The following OR9Q1 variants were observed in gnomAD, a reference collection of about 807,000 sequenced individuals.
The protein encoded by OR9Q1 is olfactory receptor 9Q1.
For missense variants in OR9Q1, 374 were observed against 378.8 expected, an observed-to-expected ratio of 0.99 and a Z score of 0.11; for synonymous variants, 153 against 148.6, an observed-to-expected ratio of 1.03 and a Z score of -0.22.
intron 2 of OR9Q1, among the ~76,000 whole-genome samples, chr11:58,154,155 G>C (rs1854382167): frequency 6.8e-6 from 1 of 146,978 alleles, no homozygotes; most frequent in South Asian, 2.2e-4. Flanking sequence ...AGGAGGAAGA[G>C]GAGAAGGAGG....
chr11:58,046,293 A>T (rs1393138326), intron 1 of OR9Q1, among the ~76,000 whole-genome samples: 1 of 152,108 alleles, frequency 6.6e-6, no homozygotes, highest in Admixed American at 6.6e-5. Context: ...TCAGGGTGGG[A>T]TGATTTGGAC....
intron 2 of OR9Q1, chr11:58,118,786 A>G (rs1248319237): frequency 6.2e-7 from 1 of 1,614,098 alleles, no homozygotes; most frequent in Non-Finnish European, 8.5e-7. Flanking sequence ...CTTGATGATG[A>G]GCAGATAGGA....
chr11:58,102,231 G>T (rs1287393629), intron 2 of OR9Q1, among the ~76,000 whole-genome samples: 1 of 144,690 alleles, frequency 6.9e-6, no homozygotes, highest in African/African-American at 2.6e-5. Flanking sequence ...ATTGCTTTCT[G>T]GTTGTTTTGT....
intron 2 of OR9Q1, among the ~76,000 whole-genome samples, chr11:58,096,843 C>T (rs1335779055): frequency 1.3e-5 from 2 of 151,776 alleles, no homozygotes; most frequent in Non-Finnish European, 2.9e-5. Context: ...AGATGAGATT[C>T]CAGTTGCCCA....
intron 2 of OR9Q1, among the ~76,000 whole-genome samples, chr11:58,085,520 C>T (rs1323590591): frequency 6.6e-6 from 1 of 151,748 alleles, no homozygotes; most frequent in East Asian, 1.9e-4. Context: ...CATCTTGTTT[C>T]TGAAACTTTA....
intron 2 of OR9Q1, among the ~76,000 whole-genome samples, chr11:58,149,244 G>T (rs942644746): frequency 9.9e-5 from 15 of 152,060 alleles, no homozygotes; most frequent in Non-Finnish European, 2.1e-4. Flanking sequence ...TATATAGACA[G>T]AGCCTAAAAT....
chr11:58,074,513 T>C (rs1248307696), intron 2 of OR9Q1, among the ~76,000 whole-genome samples: 1 of 152,234 alleles, frequency 6.6e-6, no homozygotes, highest in Non-Finnish European at 1.5e-5. Flanking sequence ...TAGACTTTTG[T>C]CGGATGGATA....
intron 2 of OR9Q1, among the ~76,000 whole-genome samples, chr11:58,166,963 G>A (rs1259813679): frequency 6.7e-6 from 1 of 150,158 alleles, no homozygotes; most frequent in Non-Finnish European, 1.5e-5. Flanking sequence ...TCCATCACCT[G>A]AACAACATAC....
At chr11:58,078,565 G>A (rs1252382612) in intron 2 of OR9Q1, 3 of 152,190 alleles carry the variant, frequency 2.0e-5, no homozygotes, top group Admixed American at 2.0e-4. Context: ...AATCAGTGAA[G>A]TTCATAAACC....
At chr11:58,107,748 T>C (rs1178132167) in intron 2 of OR9Q1, among the ~76,000 whole-genome samples, 1 of 143,002 alleles carries the variant, frequency 7.0e-6, no homozygotes, top group Non-Finnish European at 1.6e-5. Context: ...TCTATTTATT[T>C]GTCTCTTCTT....
intron 1 of OR9Q1, among the ~76,000 whole-genome samples, chr11:58,027,606 C>T (rs978340404): frequency 2.0e-5 from 3 of 152,060 alleles, no homozygotes; most frequent in Admixed American, 6.5e-5. Flanking sequence ...AGAAGTGAGT[C>T]GTTTTCTTCA....
chr11:58,079,902 C>T lies in OR9Q1; in HGVS notation c.-15+23955C>T, dbSNP rs11822286. ...TGCCCAGCTGAGCCAACACAAACTG[C>T]TGACTTGTAGAATAGTGAGTTAAGT... On this transcript the variant is annotated intron_variant, in intron 2 of 2. Coordinates refer to ENST00000335397, the MANE Select transcript of OR9Q1 (RefSeq NM_001005212.4). 3.7e-3 allele frequency among the ~76,000 whole-genome samples: 564 copies of T among 152,318 alleles called. 2 individuals are homozygous for T. Among genetic ancestry groups the T allele is most frequent in the East Asian group, 0.017 (87 of 5,186 alleles).
intron 2 of OR9Q1, among the ~76,000 whole-genome samples, chr11:58,125,919 A>G (rs959496942): frequency 6.6e-6 from 1 of 152,322 alleles, no homozygotes; most frequent in Non-Finnish European, 1.5e-5. Flanking sequence ...ACTGGAACTC[A>G]GATCTTAGGA....
At chr11:58,095,033 C>G (rs1397093528) in intron 2 of OR9Q1, among the ~76,000 whole-genome samples, 1 of 152,200 alleles carries the variant, frequency 6.6e-6, no homozygotes, top group Non-Finnish European at 1.5e-5. Context: ...CTTGAGTTTA[C>G]TGCTATTGAG....
intron 2 of OR9Q1, chr11:58,059,906 G>A (rs910874676): frequency 2.6e-5 from 4 of 152,038 alleles, no homozygotes; most frequent in East Asian, 1.9e-4. Flanking sequence ...TACGAAGAGC[G>A]TGCTGTATTC....
intron 2 of OR9Q1, among the ~76,000 whole-genome samples, chr11:58,179,229 T>TTGGCC (rs1418130425): frequency 9.2e-5 from 14 of 152,170 alleles, no homozygotes; most frequent in Admixed American, 7.2e-4. Context: ...TTTCACCATG[T>TTGGCC]TGGCCAGGCT....
intron 2 of OR9Q1, chr11:58,119,359 A>G: frequency 1.2e-6 from 2 of 1,613,946 alleles, no homozygotes; most frequent in Non-Finnish European, 1.7e-6. Flanking sequence ...CAGAAACACC[A>G]GAAAGAGGGG....
intron 2 of OR9Q1, among the ~76,000 whole-genome samples, chr11:58,152,157 T>G (rs181427559): frequency 3.9e-5 from 6 of 152,030 alleles, no homozygotes; most frequent in Admixed American, 3.9e-4. Flanking sequence ...CCCGGGGAGG[T>G]GCTGGTGGCA....
chr11:58,118,518 C>T (rs78218902), intron 2 of OR9Q1: 1 of 1,604,130 alleles, frequency 6.2e-7, no homozygotes, highest in African/African-American at 1.3e-5. Flanking sequence ...TCAGGGACAC[C>T]TGGAGTCTCC....
Sources: gnomAD v4.1 joint callset for allele counts (sites outside exome capture counted in the v4.1 genomes callset) on GRCh38, gnomAD v4.1.1 for gene constraint, MANE v1.5 for transcripts, NCBI Gene and HGNC (gene_info 2026-07-23, HGNC 2026-07-21) for gene names.